Variants in LAMC3 observed in about 807,000 individuals in gnomAD.
LAMC3 encodes the protein laminin subunit gamma 3, also known as laminin subunit gamma-3.
Under a neutral mutation model 173.8 loss-of-function variants are expected in LAMC3, and 128 were observed. That is an observed-to-expected ratio of 0.74 (90% CI 0.64 to 0.85). The LOEUF (loss-of-function observed/expected upper bound fraction) is 0.85. Ranked by LOEUF, LAMC3 falls within the 40% of genes least tolerant of loss-of-function variation. The pLI, the probability that LAMC3 is intolerant of heterozygous loss-of-function variation, is 0.00. For synonymous variants in LAMC3, 897 were observed against 909.1 expected (o/e 0.99, Z 0.24); for missense variants, 2,022 against 2,156.0 (o/e 0.94, Z 1.23).
intron 1 of LAMC3, among the ~76,000 whole-genome samples, chr9:131,013,208 C>T (rs866209652): frequency 2.6e-5 from 4 of 152,268 alleles, no homozygotes; most frequent in Admixed American, 6.5e-5. Context: ...AAATGGTGGC[C>T]CCCGGGACCC....
chr9:131,044,327 T>C (rs1323909056), intron 7 of LAMC3, among the ~76,000 whole-genome samples: 1 of 151,410 alleles, frequency 6.6e-6, no homozygotes, highest in Non-Finnish European at 1.5e-5. Context: ...CTGGCCAACA[T>C]AGTGAAACCC....
At chr9:131,077,624 C>T (rs375960151) in intron 22 of LAMC3, among the ~76,000 whole-genome samples, 20 of 123,888 alleles carry the variant, frequency 1.6e-4, no homozygotes, top group African/African-American at 6.4e-4. Context: ...CTGCAGTGAG[C>T]CAAGATTGCA....
rs577560039 is a variant in LAMC3, at chr9:131,029,077, C to G, written c.678+2488C>G. On this transcript the variant is annotated intron_variant, in intron 2 of 27. Transcript: ENST00000361069. This position sits in a 1 kb window ranked among gnomAD's most constrained non-coding sequence, Gnocchi z 4.6. ...AGCCGATTCTGTGTGGCCCGAGGCC[C>G]CCACCGCAAATCACATCATCCGCAT... Among the ~76,000 whole-genome samples the G allele has an allele frequency of 5.9e-5, 9 of 152,296 alleles. No individual in the cohort carries two copies. In the South Asian group the frequency reaches 1.7e-3, roughly 28 times the overall value.
chr9:131,037,177 C>T (rs1833962030), intron 4 of LAMC3, among the ~76,000 whole-genome samples: 2 of 152,208 alleles, frequency 1.3e-5, no homozygotes, highest in African/African-American at 4.8e-5. Context: ...GCTGTGCTGG[C>T]TGGCTTCCAC....
chr9:131,073,750 A>C (rs1830076653), intron 20 of LAMC3, among the ~76,000 whole-genome samples: 1 of 151,926 alleles, frequency 6.6e-6, no homozygotes, highest in Non-Finnish European at 1.5e-5. Flanking sequence ...TCATCATCCC[A>C]AAAACAAACC....
At chr9:131,050,971 G>A (rs1034736223) in intron 9 of LAMC3, among the ~76,000 whole-genome samples, 5 of 152,222 alleles carry the variant, frequency 3.3e-5, no homozygotes, top group East Asian at 3.9e-4. Context: ...AGGCCGAATC[G>A]GAGTGCAGCC....
intron 25 of LAMC3, 144 bp downstream of exon 25, chr9:131,085,867 C>A: frequency 1.3e-6 from 1 of 777,866 alleles, no homozygotes; most frequent in Non-Finnish European, 2.2e-6. Context: ...AGAGACTTCA[C>A]GGGGGTGAGT....
chr9:131,050,946 G>A (rs1834272172), intron 9 of LAMC3, among the ~76,000 whole-genome samples: 1 of 152,208 alleles, frequency 6.6e-6, no homozygotes, highest in African/African-American at 2.4e-5. Context: ...CGCTCGTGCT[G>A]GTGATTGATT....
At chr9:131,023,374 G>A (rs780659345) in intron 1 of LAMC3, among the ~76,000 whole-genome samples, 45 of 152,204 alleles carry the variant, frequency 3.0e-4, no homozygotes, top group South Asian at 1.0e-3. Flanking sequence ...CAAAGTGGCC[G>A]CCCCATTTTA....
intron 19 of LAMC3, 58 bp downstream of exon 19, chr9:131,072,893 C>A: frequency 6.7e-7 from 1 of 1,498,288 alleles, no homozygotes; most frequent in Non-Finnish European, 9.2e-7. Flanking sequence ...GTCCCTGCCC[C>A]AGCCCTCCCA....
At chr9:131,081,844 CGGGCTTTTGT>C (rs1186236696) in intron 23 of LAMC3, among the ~76,000 whole-genome samples, 1 of 152,188 alleles carries the variant, frequency 6.6e-6, no homozygotes, top group East Asian at 1.9e-4. Context: ...AGTTTTCCTC[CGGGCTTTTGT>C]GGACAGGTAT....
intron 13 of LAMC3, among the ~76,000 whole-genome samples, chr9:131,063,573 C>T (rs1829872364): frequency 1.3e-5 from 2 of 152,150 alleles, no homozygotes; most frequent in South Asian, 4.1e-4. Context: ...CTCACCTGGA[C>T]ATCTGAGTCA....
At position 131,057,433 on chromosome 9, in the gene LAMC3, A is replaced by G. The variant is rs890454538; in HGVS notation, c.2158+286A>G. ...GCTCTGTGGGCCATCTGTCCGCGCC[A>G]CCTTCTCCCTGGGCTGGCCCTTTTC... is the stretch of plus-strand genomic sequence containing the variant. On this transcript the variant is annotated intron_variant, in intron 12 of 27. Coordinates refer to ENST00000361069, the MANE Select transcript of LAMC3 (RefSeq NM_006059.4). Among the ~76,000 whole-genome samples the G allele has an allele frequency of 7.2e-5, 11 of 152,124 alleles. 1 individual carries two copies. The South Asian group carries it at 8.3e-4, about 11-fold the overall frequency.
At chr9:131,075,006 G>A (rs1376246604) in intron 20 of LAMC3, among the ~76,000 whole-genome samples, 1 of 151,814 alleles carries the variant, frequency 6.6e-6, no homozygotes. Flanking sequence ...GCTCACACCT[G>A]TATTCCCAGC....
At chr9:131,088,842 G>A (rs1433651778) in intron 27 of LAMC3, among the ~76,000 whole-genome samples, 2 of 152,178 alleles carry the variant, frequency 1.3e-5, no homozygotes, top group Admixed American at 1.3e-4. Context: ...AGCACTTTGA[G>A]AGGCTAAGGT....
chr9:131,087,362 A>G (rs72768541), intron 25 of LAMC3, 114 bp from the exon 26 acceptor site: 4 of 1,332,386 alleles, frequency 3.0e-6, no homozygotes, highest in African/African-American at 2.9e-5. Context: ...TGAATGAATG[A>G]ATGATCTGCC....
intron 21 of LAMC3, 93 bp downstream of exon 21, chr9:131,076,058 C>G: frequency 8.0e-7 from 1 of 1,252,886 alleles, no homozygotes; most frequent in Non-Finnish European, 1.1e-6. Flanking sequence ...AGAGCCAGCT[C>G]CCTTGAGTCC....
chr9:131,083,364 C>A (rs1332967832), intron 24 of LAMC3, among the ~76,000 whole-genome samples: 1 of 152,186 alleles, frequency 6.6e-6, no homozygotes, highest in Non-Finnish European at 1.5e-5. Flanking sequence ...AGGCTCTTTT[C>A]CCCATTCTGA....
Position 131,069,671 on chromosome 9 carries a change from G to T in LAMC3, c.2891-1G>T. 6.5e-7 allele frequency: 1 copy of T among 1,549,740 alleles called. No individual in the cohort carries two copies. Among genetic ancestry groups the T allele is most frequent in the Non-Finnish European group, 8.7e-7 (1 of 1,148,696 alleles). On this transcript the variant is annotated splice_acceptor_variant, in intron 16 of 27. Coordinates refer to ENST00000361069, the MANE Select transcript of LAMC3 (RefSeq NM_006059.4). LOFTEE classifies it high-confidence loss of function. ...GCACGCACTGCCCCTGGCCCCTCTA[G>T]CCTGCAGGTGCTCCCCACTGGGCGC... is the stretch of plus-strand genomic sequence containing the variant.
Sources: gnomAD v4.1 joint callset for allele counts (sites outside exome capture counted in the v4.1 genomes callset) on GRCh38, gnomAD v4.1.1 for gene constraint, Gnocchi (gnomAD v3.1) non-coding constraint, MANE v1.5 for transcripts, NCBI Gene and HGNC (gene_info 2026-07-23, HGNC 2026-07-21) for gene names.